AIG1: variants seen among roughly 807,000 people sequenced by gnomAD.
The protein encoded by AIG1 is androgen induced 1.
A neutral mutation model predicts 31.4 loss-of-function variants in AIG1; 23 were observed. The observed-to-expected ratio is 0.73, with a 90% CI of 0.53 to 1.04. The LOEUF (loss-of-function observed/expected upper bound fraction) is 1.04, where lower values mean the gene tolerates loss of function less well. AIG1 is among the 50% of genes least tolerant of loss of function. The pLI, the probability that AIG1 is intolerant of heterozygous loss-of-function variation, is 0.00. For synonymous variants in AIG1, 100 were observed against 110.5 expected (o/e 0.90, Z 0.60); for missense variants, 274 against 295.0 (o/e 0.93, Z 0.52).
At chr6:143,060,566 G>A (rs573246239), upstream of AIG1, 3 of 371,928 alleles carry the variant, frequency 8.1e-6, no homozygotes, top group African/African-American at 4.4e-5. Context: ...GTAGCACTCA[G>A]AGGTCGCATC....
intron 1 of AIG1, among the ~76,000 whole-genome samples, chr6:143,102,206 T>C (rs1486179645): frequency 6.6e-6 from 1 of 151,946 alleles, no homozygotes; most frequent in Admixed American, 6.6e-5. Flanking sequence ...TATTCTTTGT[T>C]TACATTTGAA....
chr6:143,184,689 C>T (rs1183878723), intron 3 of AIG1, among the ~76,000 whole-genome samples: 2 of 152,184 alleles, frequency 1.3e-5, no homozygotes, highest in Non-Finnish European at 2.9e-5. Flanking sequence ...AGGCAGCAGC[C>T]TCGTCTCTCA....
intron 1 of AIG1, among the ~76,000 whole-genome samples, chr6:143,064,624 A>G (rs978606476): frequency 3.9e-5 from 6 of 152,200 alleles, no homozygotes; most frequent in Non-Finnish European, 4.4e-5. Context: ...AAAAAAACTT[A>G]ACTCTTTTTG....
Position 143,288,748 on chromosome 6 carries a change from G to A in AIG1, c.515+4523G>A, listed in dbSNP as rs570354428. On this transcript the variant is annotated intron_variant, in intron 4 of 5. Coordinates refer to ENST00000357847, the MANE Select transcript of AIG1 (RefSeq NM_016108.4). The surrounding 1 kb of genome is among the most constrained non-coding windows in gnomAD (Gnocchi z 4.4). ...CAGTCTCAAGAGGTCCTGAGAAAGTGTGCCCAAGATGGTTGGGTTACAGTT... is the reference window on the plus strand; with the variant it reads ...CAGTCTCAAGAGGTCCTGAGAAAGTATGCCCAAGATGGTTGGGTTACAGTT... Among the ~76,000 whole-genome samples, 1 of 152,322 alleles carries A rather than the reference G, an allele frequency of 6.6e-6. No individual in the cohort carries two copies. Among genetic ancestry groups the A allele is most frequent in the South Asian group, 2.1e-4 (1 of 4,832 alleles).
rs1453346187 is a variant in AIG1 at position 143,326,812 on chromosome 6, G to A, written c.516-6470G>A. The stretch of plus-strand genomic sequence containing the variant: ...AGAAGAATATGTGAAAACCCACATT[G>A]CAGGAGGGAACATGACAAGATCAAG... On this transcript the variant is annotated intron_variant, in intron 4 of 5. Transcript: ENST00000357847. The surrounding 1 kb of genome is among the most constrained non-coding windows in gnomAD (Gnocchi z 4.5). Among the ~76,000 whole-genome samples the A allele has an allele frequency of 6.6e-6, 1 of 152,174 alleles. No homozygotes were observed. The highest frequency in any genetic ancestry group is 1.5e-5 in the Non-Finnish European group (1 of 68,030).
intron 4 of AIG1, among the ~76,000 whole-genome samples, chr6:143,318,728 A>G (rs1346502592): frequency 1.3e-5 from 2 of 152,106 alleles, no homozygotes; most frequent in Non-Finnish European, 2.9e-5. Context: ...CAATCTGTAC[A>G]TCCAACAAAG....
intron 3 of AIG1, chr6:143,188,349 A>G (rs1789467428): frequency 1.4e-5 from 14 of 985,420 alleles, no homozygotes; most frequent in African/African-American, 1.7e-5. Flanking sequence ...CGATGTATTT[A>G]TGTTGCTGCA....
chr6:143,173,803 A>G lies in AIG1; in HGVS notation c.399+8620A>G, dbSNP rs528097204. ...TTTGTTGAGACTTGTTTTGTGGCCT[A>G]TCACATGGTCTATCTTGGAGAATAT... On this transcript the variant is annotated intron_variant, in intron 3 of 5. Coordinates refer to ENST00000357847, the MANE Select transcript of AIG1 (RefSeq NM_016108.4). Among the ~76,000 whole-genome samples, 5 of 152,358 alleles carry G rather than the reference A, an allele frequency of 3.3e-5. No homozygotes were observed. The East Asian group carries it at 9.6e-4, about 29-fold the overall frequency.
At chr6:143,162,147 TA>T (rs780111790) in intron 2 of AIG1, among the ~76,000 whole-genome samples, 2 of 152,110 alleles carry the variant, frequency 1.3e-5, no homozygotes, top group Non-Finnish European at 2.9e-5. Context: ...AAAAAGAATG[TA>T]AAAAATGTAA....
chr6:143,231,938 G>A (rs1201038648), intron 3 of AIG1, among the ~76,000 whole-genome samples: 1 of 152,210 alleles, frequency 6.6e-6, no homozygotes, highest in Non-Finnish European at 1.5e-5. Context: ...TCTAGGTGGA[G>A]ACTGGTGGAA....
chr6:143,230,715 A>G (rs1014422176), intron 3 of AIG1, among the ~76,000 whole-genome samples: 1 of 152,040 alleles, frequency 6.6e-6, no homozygotes, highest in Non-Finnish European at 1.5e-5. Flanking sequence ...AAAATTAGTG[A>G]GTCAACCTAG....
intron 1 of AIG1, among the ~76,000 whole-genome samples, chr6:143,130,061 G>C (rs1381207024): frequency 6.6e-6 from 1 of 151,306 alleles, no homozygotes. Context: ...CTCCTGAGTA[G>C]CTGGGACCAC....
intron 3 of AIG1, among the ~76,000 whole-genome samples, chr6:143,217,683 A>AT (rs1186193304): frequency 6.6e-6 from 1 of 151,980 alleles, no homozygotes; most frequent in African/African-American, 2.4e-5. Context: ...TAAGTTTTGT[A>AT]TTTTTAGTAG....
intron 1 of AIG1, among the ~76,000 whole-genome samples, chr6:143,061,975 C>T (rs948619130): frequency 2.6e-5 from 4 of 152,130 alleles, no homozygotes; most frequent in Non-Finnish European, 4.4e-5. Flanking sequence ...AAAACAAAAG[C>T]AATGAAGTTC....
intron 3 of AIG1, among the ~76,000 whole-genome samples, chr6:143,219,832 C>T (rs916223358): frequency 3.9e-5 from 6 of 152,028 alleles, no homozygotes; most frequent in African/African-American, 1.2e-4. Context: ...AAAACTTGTC[C>T]CTGTGCCCAG....
rs1797823208 is a variant in AIG1 at position 143,288,215 on chromosome 6, G to C, written c.515+3990G>C. On this transcript the variant is annotated intron_variant, in intron 4 of 5. Transcript: ENST00000357847. The surrounding 1 kb of genome is among the most constrained non-coding windows in gnomAD (Gnocchi z 4.4). ...CATTGCTCTGCCTTTCAGTCTGCAA[G>C]ATACAGAAAGAGGAAACCAACTCAG... 6.6e-6 allele frequency among the ~76,000 whole-genome samples: 1 copy of C among 152,118 alleles called. No individual in the cohort carries two copies. Among genetic ancestry groups the C allele is most frequent in the African/African-American group, 2.4e-5 (1 of 41,406 alleles).
At chr6:143,246,309 C>T (rs1039549483) in intron 3 of AIG1, among the ~76,000 whole-genome samples, 2 of 151,862 alleles carry the variant, frequency 1.3e-5, no homozygotes, top group Non-Finnish European at 2.9e-5. Context: ...TACAGTTCCA[C>T]GTGGCTAGGA....
intron 5 of AIG1, 124 bp from the exon 6 acceptor site, chr6:143,339,515 G>C (rs917497667): frequency 1.1e-6 from 1 of 926,364 alleles, no homozygotes; most frequent in South Asian, 1.6e-5. Flanking sequence ...GGTGTGTCAG[G>C]AGGGTGAATG....
In AIG1 at chr6:143,334,190, G is replaced by A; in HGVS notation, c.679+745G>A. The A allele has an allele frequency of 7.9e-7, 1 of 1,261,134 alleles. No homozygotes were observed. The highest frequency in any genetic ancestry group is 1.1e-6 in the Non-Finnish European group (1 of 909,892). The allele number at this position is 1,261,134 out of a possible 1,614,324, so 78.1% of individuals were successfully genotyped here. A position where few individuals can be genotyped will look rare whatever the true frequency, so the allele number is the denominator to read the frequency against. On this transcript the variant is annotated intron_variant, in intron 5 of 5. Coordinates refer to ENST00000357847, the MANE Select transcript of AIG1 (RefSeq NM_016108.4). This position sits in a 1 kb window ranked among gnomAD's most constrained non-coding sequence, Gnocchi z 5.1. ...GTGGAAAAAGCGCCAGCACAGACAT[G>A]TAGTGATTGAGTCCTGCATGAAAAT...
Sources: gnomAD v4.1 joint callset for allele counts (sites outside exome capture counted in the v4.1 genomes callset) on GRCh38, gnomAD v4.1.1 for gene constraint, Gnocchi (gnomAD v3.1) non-coding constraint, MANE v1.5 for transcripts, NCBI Gene and HGNC (gene_info 2026-07-23, HGNC 2026-07-21) for gene names.